Variants in CFAP47 observed in about 807,000 individuals in gnomAD.
CFAP47 encodes cilia and flagella associated protein 47.
CFAP47 carries 29 observed loss-of-function variants against 148.1 expected under a neutral mutation model. The ratio of observed to expected loss-of-function variants is 0.20; its 90% CI spans 0.15 to 0.27. The LOEUF is 0.27. CFAP47 is among the 10% of genes least tolerant of loss of function. CFAP47 has a pLI of 1.00. For synonymous variants in CFAP47, 664 were observed against 577.3 expected, an observed-to-expected ratio of 1.15 and a Z score of -2.15; for missense variants, 1,872 against 1,697.5, an observed-to-expected ratio of 1.10 and a Z score of -1.81.
chrX:36,175,345 A>C (rs764078091), intron 39 of CFAP47, among the ~76,000 whole-genome samples: 1 of 112,100 alleles, frequency 8.9e-6, no homozygotes, highest in African/African-American at 3.2e-5. Flanking sequence ...CTGTTGAGGA[A>C]CTGCGTTCCT....
chrX:36,101,442 G>T (rs2146793243), intron 32 of CFAP47, among the ~76,000 whole-genome samples: 1 of 111,727 alleles, frequency 9.0e-6, no homozygotes, highest in Non-Finnish European at 1.9e-5. Flanking sequence ...TTTCAATACA[G>T]GAAAGCCTTC....
intron 55 of CFAP47, among the ~76,000 whole-genome samples, chrX:36,308,659 A>G (rs1190413940): frequency 2.7e-5 from 3 of 111,364 alleles, no homozygotes; most frequent in Non-Finnish European, 5.7e-5. Context: ...GGAAATAGCC[A>G]TATAGATTTC....
rs1323215383 is a variant in CFAP47, at chrX:35,971,683, C to A, written c.2068C>A (p.Leu690Met). 1 of 1,207,474 alleles carries A rather than the reference C, an allele frequency of 8.3e-7. No homozygotes were observed. Among genetic ancestry groups the A allele is most frequent in the African/African-American group, 1.8e-5 (1 of 57,092 alleles). ...CTCAGAAGCGGAAATAGAAGAGGAG[C>A]TGTCTTCAGCAGCAAATTCAATTAG... ...SLSEAEIEEE[L>M]SSAANSIRAN... Residue 690 changes from leucine (L) to methionine (M), a missense_variant, in exon 12 of 64, where the codon CTG (leucine) becomes ATG (methionine). Leu to Met is a conservative substitution (Grantham distance 15). Transcript: ENST00000378653.
At chrX:36,171,834 G>C (rs1939584464) in intron 39 of CFAP47, among the ~76,000 whole-genome samples, 1 of 110,549 alleles carries the variant, frequency 9.0e-6, no homozygotes, top group Admixed American at 9.6e-5. Flanking sequence ...ATTCTGTGAA[G>C]AAAGTCATTG....
rs148495060 is a variant in CFAP47 at position 36,195,138 on chromosome X, G to A, written c.6321+4942G>A. Among the ~76,000 whole-genome samples the A allele has an allele frequency of 4.9e-3, 553 of 112,805 alleles. 1 individual carries two copies. Among genetic ancestry groups the A allele is most frequent in the African/African-American group, 0.017 (527 of 31,135 alleles). On this transcript the variant is annotated intron_variant, in intron 42 of 63. Coordinates refer to ENST00000378653, the MANE Select transcript of CFAP47 (RefSeq NM_001304548.2). ...ATACACAGTGTCCTGAAACATGTCC[G>A]CTAATTTCTATAAAACAGTTAGACA...
At chrX:36,018,569 CAA>C (rs1286056040) in intron 22 of CFAP47, among the ~76,000 whole-genome samples, 1 of 111,934 alleles carries the variant, frequency 8.9e-6, no homozygotes, top group African/African-American at 3.2e-5. Context: ...TGAATTTTAT[CAA>C]GTGTTCTTTC....
chrX:36,202,300 G>A (rs782301286), intron 44 of CFAP47, among the ~76,000 whole-genome samples: 1 of 111,565 alleles, frequency 9.0e-6, no homozygotes, highest in East Asian at 2.9e-4. Context: ...TGTTGCTCCT[G>A]TGTGCATATT....
At chrX:36,342,060 C>G (rs955095648) in intron 57 of CFAP47, among the ~76,000 whole-genome samples, 2 of 110,829 alleles carry the variant, frequency 1.8e-5, no homozygotes, top group Non-Finnish European at 3.8e-5. Context: ...GTTACTTAAT[C>G]TAATAAATAT....
chrX:36,102,360 C>T (rs1364542511), intron 32 of CFAP47, among the ~76,000 whole-genome samples: 1 of 111,592 alleles, frequency 9.0e-6, no homozygotes, highest in African/African-American at 3.3e-5. Context: ...TTTGGATTTG[C>T]AAGTGATGGA....
At chrX:35,937,469 C>G (rs1935935267) in intron 2 of CFAP47, among the ~76,000 whole-genome samples, 1 of 110,235 alleles carries the variant, frequency 9.1e-6, no homozygotes. Context: ...TCAGCCAGTT[C>G]TCCTTTTCAC....
At chrX:35,924,027 A>ATGTGTATATGTACATG (rs1569201025) in intron 1 of CFAP47, among the ~76,000 whole-genome samples, 1 of 95,783 alleles carries the variant, frequency 1.0e-5, no homozygotes, top group Admixed American at 1.1e-4. Context: ...ATGCACATAT[A>ATGTGTATATGTACATG]TATGCACATA....
chrX:36,301,260 T>TG, intron 53 of CFAP47, 81 bp downstream of exon 53: 2 of 535,271 alleles, frequency 3.7e-6, no homozygotes, highest in Non-Finnish European at 5.9e-6. Flanking sequence ...ATGCATTCAG[T>TG]TTCTAAAATA....
At position 35,924,298 on chromosome X, in the gene CFAP47, C is replaced by T. The variant is rs868172307; in HGVS notation, c.250-1719C>T. ...ATGTGTATATGTACATGTATGTGTA[C>T]ACATATGTATATATGTACATGTATG... On this transcript the variant is annotated intron_variant, in intron 1 of 63. Transcript: ENST00000378653. Among the ~76,000 whole-genome samples the T allele has an allele frequency of 5.6e-4, 55 of 98,379 alleles. 9 individuals are homozygous for T. Among genetic ancestry groups the T allele is most frequent in the African/African-American group, 2.4e-3 (53 of 21,873 alleles). The allele number at this position is 98,379 out of a possible 115,157, so 85.4% of individuals were successfully genotyped here. A position where few individuals can be genotyped will look rare whatever the true frequency, so the allele number is the denominator to read the frequency against.
intron 51 of CFAP47, among the ~76,000 whole-genome samples, chrX:36,289,692 T>TA (rs1442331871): frequency 8.9e-6 from 1 of 112,269 alleles, no homozygotes; most frequent in Non-Finnish European, 1.9e-5. Flanking sequence ...TTCCTAAAAT[T>TA]ATAGAGCTAA....
At chrX:36,244,032 C>T (rs781995825) in intron 48 of CFAP47, among the ~76,000 whole-genome samples, 1 of 111,156 alleles carries the variant, frequency 9.0e-6, no homozygotes, top group Admixed American at 9.6e-5. Context: ...TCATGCCCAG[C>T]ACATTCTCAG....
At chrX:36,200,837 T>G (rs1467867601) in intron 43 of CFAP47, among the ~76,000 whole-genome samples, 1 of 111,932 alleles carries the variant, frequency 8.9e-6, no homozygotes, top group Non-Finnish European at 1.9e-5. Context: ...CCTGGAATTT[T>G]ACCCTGGCCC....
At chrX:36,285,804 C>T in intron 51 of CFAP47, 78 bp downstream of exon 51, 1 of 764,205 alleles carries the variant, frequency 1.3e-6, no homozygotes, top group Non-Finnish European at 1.9e-6. Flanking sequence ...AAATTATTTA[C>T]TATCCCTTAA....
At chrX:36,153,768 T>C (rs1369116684) in intron 37 of CFAP47, among the ~76,000 whole-genome samples, 1 of 112,077 alleles carries the variant, frequency 8.9e-6, no homozygotes, top group African/African-American at 3.2e-5. Context: ...GCTACCACAT[T>C]CCAAGCCACA....
At chrX:36,099,655 G>C in intron 31 of CFAP47, 96 bp from the exon 32 acceptor site, 1 of 424,411 alleles carries the variant, frequency 2.4e-6, no homozygotes, top group East Asian at 3.9e-5. Context: ...CTTGATTAAA[G>C]TATAGAAAAG....
Sources: gnomAD v4.1 joint callset for allele counts (sites outside exome capture counted in the v4.1 genomes callset) on GRCh38, gnomAD v4.1.1 for gene constraint, MANE v1.5 for transcripts, NCBI Gene and HGNC (gene_info 2026-07-23, HGNC 2026-07-21) for gene names.